The following UTY variants were observed in gnomAD, a reference collection of about 807,000 sequenced individuals.
UTY encodes the protein histone demethylase UTY.
Under a neutral mutation model 32.5 loss-of-function variants are expected in UTY, and 12 were observed. The ratio of observed to expected loss-of-function variants is 0.37; its 90% CI spans 0.24 to 0.60. UTY has a LOEUF of 0.60. UTY is among the 20% of genes least tolerant of loss of function. The pLI, the probability that UTY is intolerant of heterozygous loss-of-function variation, is 0.69. For synonymous variants in UTY, 131 were observed against 103.4 expected, an observed-to-expected ratio of 1.27 and a Z score of -1.62; for missense variants, 303 against 299.2, an observed-to-expected ratio of 1.01 and a Z score of -0.09.
intron 10 of UTY, among the ~76,000 whole-genome samples, chrY:13,363,331 G>A (rs2063743623): frequency 6.6e-5 from 2 of 30,459 alleles, no homozygotes; most frequent in Non-Finnish European, 1.6e-4. Flanking sequence ...GACTATAGGC[G>A]GGCACCACCA....
chrY:13,458,178 G>A (rs2076938956), intron 3 of UTY, among the ~76,000 whole-genome samples: 1 of 33,720 alleles, frequency 3.0e-5, no homozygotes, highest in African/African-American at 1.2e-4. Flanking sequence ...GGACATTTAG[G>A]TTGGTTCCAG....
At chrY:13,292,011 TC>T (rs2057784018) in intron 27 of UTY, among the ~76,000 whole-genome samples, 2 of 33,288 alleles carry the variant, frequency 6.0e-5, no homozygotes, top group African/African-American at 2.3e-4. Flanking sequence ...TGAAAGCCTT[TC>T]CTTTAAGAGC....
chrY:13,467,324 G>A (rs2078000836), intron 3 of UTY, among the ~76,000 whole-genome samples: 1 of 33,980 alleles, frequency 2.9e-5, no homozygotes, highest in Non-Finnish European at 7.3e-5. Flanking sequence ...CCCACCATGT[G>A]CCCAAAGCAC....
intron 6 of UTY, among the ~76,000 whole-genome samples, chrY:13,403,888 C>T: frequency 3.1e-5 from 1 of 32,653 alleles, no homozygotes; most frequent in Non-Finnish European, 7.5e-5. Flanking sequence ...TGCACTCAAT[C>T]CTGGAAAACA....
rs773984435 is a variant in UTY at position 13,297,857 on chromosome Y, A to T, written c.3869-9T>A. 2.6e-6 allele frequency: 1 copy of T among 385,066 alleles called. No homozygotes were observed. Among genetic ancestry groups the T allele is most frequent in the Non-Finnish European group, 3.7e-6 (1 of 273,213 alleles). ...CAATTTATACTGGCAGGCTAGAAGGAAAAAAGCAACAGTCATAAAGTAACC... is the reference window on the plus strand; with the variant it reads ...CAATTTATACTGGCAGGCTAGAAGGTAAAAAGCAACAGTCATAAAGTAACC... On this transcript the variant is annotated splice_polypyrimidine_tract_variant and intron_variant, in intron 26 of 29. Coordinates refer to ENST00000545955, the MANE Select transcript of UTY (RefSeq NM_001258249.2).
At chrY:13,334,472 T>G in intron 18 of UTY, among the ~76,000 whole-genome samples, 4 of 33,597 alleles carry the variant, frequency 1.2e-4, no homozygotes, top group Non-Finnish European at 2.9e-4. Flanking sequence ...GTATGAACAC[T>G]TCTCACAACG....
chrY:13,309,674 C>A, intron 21 of UTY, among the ~76,000 whole-genome samples: 2 of 32,946 alleles, frequency 6.1e-5, no homozygotes, highest in Non-Finnish European at 1.5e-4. Flanking sequence ...TCTACAGCAT[C>A]CAGGTAAACA....
intron 17 of UTY, among the ~76,000 whole-genome samples, chrY:13,350,905 T>A: frequency 3.0e-5 from 1 of 32,899 alleles, no homozygotes; most frequent in Non-Finnish European, 7.4e-5. Context: ...ACATGGACCC[T>A]CTTAAAGTTG....
intron 8 of UTY, among the ~76,000 whole-genome samples, chrY:13,371,656 C>T (rs1014702556): frequency 4.0e-4 from 13 of 32,874 alleles, no homozygotes; most frequent in African/African-American, 8.3e-4. Context: ...ATGTACCCAC[C>T]CTGTACATGC....
chrY:13,387,749 G>A, intron 8 of UTY, among the ~76,000 whole-genome samples: 1 of 33,399 alleles, frequency 3.0e-5, no homozygotes, highest in Admixed American at 2.7e-4. Flanking sequence ...GGCAGAGGTT[G>A]CAGTGAGCTG....
At chrY:13,474,840 G>A in intron 2 of UTY, among the ~76,000 whole-genome samples, 1 of 33,519 alleles carries the variant, frequency 3.0e-5, no homozygotes, top group Non-Finnish European at 7.4e-5. Flanking sequence ...CTCAACTGAT[G>A]CATCAGCCTC....
At chrY:13,296,664 CCGTT>C (rs2058050126) in intron 27 of UTY, among the ~76,000 whole-genome samples, 1 of 32,894 alleles carries the variant, frequency 3.0e-5, no homozygotes, top group Non-Finnish European at 7.4e-5. Flanking sequence ...TAGGTCATCA[CCGTT>C]AAGTTCAGCT....
At chrY:13,334,916 A>T in intron 18 of UTY, among the ~76,000 whole-genome samples, 2 of 33,780 alleles carry the variant, frequency 5.9e-5, no homozygotes, top group Non-Finnish European at 1.5e-4. Flanking sequence ...GGCTATTTAC[A>T]ATAGCAAAGA....
intron 18 of UTY, among the ~76,000 whole-genome samples, chrY:13,331,573 G>A (rs764568308): frequency 5.9e-5 from 2 of 34,069 alleles, no homozygotes; most frequent in African/African-American, 2.3e-4. Flanking sequence ...CACAGAACTG[G>A]ACAGAAAATG....
chrY:13,261,354 C>G (rs765300810), intron 27 of UTY, among the ~76,000 whole-genome samples: 1 of 33,015 alleles, frequency 3.0e-5, no homozygotes, highest in East Asian at 7.8e-4. Context: ...GGAAAATGAT[C>G]ATATTATCAG....
At chrY:13,398,917 G>A in intron 6 of UTY, among the ~76,000 whole-genome samples, 1 of 32,001 alleles carries the variant, frequency 3.1e-5, no homozygotes, top group Non-Finnish European at 7.7e-5. Flanking sequence ...TTCATTTATT[G>A]GCAAAGTGGT....
At chrY:13,394,225 C>A (rs2067889607) in intron 7 of UTY, among the ~76,000 whole-genome samples, 1 of 33,396 alleles carries the variant, frequency 3.0e-5, no homozygotes, top group Non-Finnish European at 7.5e-5. Context: ...TAAGGAAACA[C>A]AAGCATTTAA....
At chrY:13,363,252 G>A (rs2063739585) in intron 10 of UTY, among the ~76,000 whole-genome samples, 1 of 31,954 alleles carries the variant, frequency 3.1e-5, no homozygotes, top group Admixed American at 2.9e-4. Context: ...AGGCTGGTGT[G>A]TAGTGGCATG....
intron 27 of UTY, among the ~76,000 whole-genome samples, chrY:13,275,621 C>T: frequency 3.0e-5 from 1 of 33,868 alleles, no homozygotes. Flanking sequence ...GAGTGAAGCA[C>T]GCCAAAGTCC....
Sources: allele counts gnomAD v4.1 joint callset (sites outside exome capture counted in the v4.1 genomes callset), GRCh38; gene constraint gnomAD v4.1.1; transcripts MANE v1.5; gene names NCBI Gene and HGNC (gene_info 2026-07-23, HGNC 2026-07-21).